Variants in TMEM132D observed in about 807,000 individuals in gnomAD.
TMEM132D encodes transmembrane protein 132D.
In TMEM132D, 21 loss-of-function variants were observed where a neutral mutation model predicts 62.3. The observed-to-expected ratio is 0.34, with a 90% CI of 0.24 to 0.49. The LOEUF is 0.49. Among genes scored for constraint, TMEM132D ranks in the 20% least tolerant of loss-of-function variants. The probability of loss-of-function intolerance (pLI) is 0.99; values close to 1 mark genes in which losing one functional copy is unlikely to be tolerated. For synonymous variants in TMEM132D, 621 were observed against 575.6 expected, an observed-to-expected ratio of 1.08 and a Z score of -1.13; for missense variants, 1,346 against 1,402.8, an observed-to-expected ratio of 0.96 and a Z score of 0.65.
At chr12:129,103,192 G>A (rs1313626977) in intron 5 of TMEM132D, among the ~76,000 whole-genome samples, 1 of 152,162 alleles carries the variant, frequency 6.6e-6, no homozygotes, top group Non-Finnish European at 1.5e-5. Context: ...AGGAAGAGGA[G>A]GGATTTGCTC....
chr12:129,126,983 G>A (rs527956682), intron 5 of TMEM132D, among the ~76,000 whole-genome samples: 1 of 152,348 alleles, frequency 6.6e-6, no homozygotes, highest in African/African-American at 2.4e-5. Context: ...ACAATCAGCT[G>A]AGAGACAAGG....
chr12:129,569,730 G>C (rs1011464123), intron 2 of TMEM132D, among the ~76,000 whole-genome samples: 10 of 152,156 alleles, frequency 6.6e-5, no homozygotes, highest in Non-Finnish European at 7.3e-5. Flanking sequence ...CTCCACTGAA[G>C]TGCCAGCCTA....
chr12:129,726,903 G>A (rs1299714006), intron 1 of TMEM132D, among the ~76,000 whole-genome samples: 1 of 152,180 alleles, frequency 6.6e-6, no homozygotes, highest in Non-Finnish European at 1.5e-5. Flanking sequence ...AGTGAGAGGA[G>A]TGAGCTATAG....
chr12:129,236,174 G>C (rs1879778262), intron 4 of TMEM132D, among the ~76,000 whole-genome samples: 1 of 150,934 alleles, frequency 6.6e-6, no homozygotes, highest in South Asian at 2.1e-4. Flanking sequence ...GAGAGAGAGA[G>C]AGAGTCACTA....
At chr12:129,658,410 C>T (rs1341317227) in intron 2 of TMEM132D, among the ~76,000 whole-genome samples, 1 of 152,182 alleles carries the variant, frequency 6.6e-6, no homozygotes, top group Non-Finnish European at 1.5e-5. Context: ...AATTCTATTC[C>T]TGTAAACTTC....
intron 2 of TMEM132D, among the ~76,000 whole-genome samples, chr12:129,658,138 T>A (rs913742706): frequency 6.6e-6 from 1 of 152,168 alleles, no homozygotes; most frequent in African/African-American, 2.4e-5. Context: ...GACCTGCTCA[T>A]GGAGAAAGTA....
In TMEM132D at chr12:129,598,047, AAAC is replaced by A. The variant is rs567539460; in HGVS notation, c.969-66845_969-66843del. Among the ~76,000 whole-genome samples, 443 of 152,220 alleles carry A rather than the reference AAAC, an allele frequency of 2.9e-3. 3 individuals carry two copies. Among genetic ancestry groups the A allele is most frequent in the Non-Finnish European group, 3.2e-3 (218 of 68,002 alleles). On this transcript the variant is annotated intron_variant, in intron 2 of 8. Transcript: ENST00000422113. ...GAACCCAGCCATGACATACTTGCAA[AAAC>A]AACAACAACAACAACAAAAAACTAC... is the stretch of plus-strand genomic sequence containing the variant.
intron 1 of TMEM132D, among the ~76,000 whole-genome samples, chr12:129,705,157 G>A (rs1220513862): frequency 6.6e-6 from 1 of 152,198 alleles, no homozygotes; most frequent in East Asian, 1.9e-4. Context: ...ATGCACATTA[G>A]ATGTTCAATA....
intron 3 of TMEM132D, among the ~76,000 whole-genome samples, chr12:129,520,110 A>G (rs4759954): frequency 0.97 from 147,023 of 152,282 alleles, 71,162 homozygotes; most frequent in East Asian, 1. Flanking sequence ...GACAGTGTTC[A>G]GTGAGGCCGA....
chr12:129,747,707 CACACTCAGACAT>C (rs1869851317), intron 1 of TMEM132D, among the ~76,000 whole-genome samples: 1 of 150,466 alleles, frequency 6.6e-6, no homozygotes, highest in Admixed American at 6.6e-5. Context: ...ACACTCAACA[CACACTCAGACAT>C]ACACACAGAC....
At chr12:129,260,881 T>C (rs773155976) in intron 4 of TMEM132D, among the ~76,000 whole-genome samples, 2 of 152,256 alleles carry the variant, frequency 1.3e-5, no homozygotes, top group Non-Finnish European at 2.9e-5. Flanking sequence ...TTCAATGGTG[T>C]ATATACACCA....
intron 5 of TMEM132D, chr12:129,113,421 T>C (rs1342842957): frequency 1.3e-5 from 2 of 151,952 alleles, no homozygotes; most frequent in Non-Finnish European, 2.9e-5. Flanking sequence ...AATAAAAACC[T>C]CCCAAGAACC....
intron 2 of TMEM132D, among the ~76,000 whole-genome samples, chr12:129,594,275 C>T (rs1878274696): frequency 6.6e-6 from 1 of 152,170 alleles, no homozygotes; most frequent in African/African-American, 2.4e-5. Context: ...GATTCGCTTC[C>T]ACGTGATTTG....
intron 5 of TMEM132D, among the ~76,000 whole-genome samples, chr12:129,188,762 GGAGAGAGAGAGAGA>G (rs569138938): frequency 0.49 from 62,443 of 126,180 alleles, 13,450 homozygotes; most frequent in Middle Eastern, 0.54. Flanking sequence ...AGGGAGAGAG[GGAGAGAGAGAGAGA>G]GAGAGAGAGA....
At chr12:129,743,320 G>T (rs1177948300) in intron 1 of TMEM132D, among the ~76,000 whole-genome samples, 2 of 152,198 alleles carry the variant, frequency 1.3e-5, no homozygotes, top group African/African-American at 4.8e-5. Flanking sequence ...GACCCAATGG[G>T]AGATAATTTA....
intron 2 of TMEM132D, among the ~76,000 whole-genome samples, chr12:129,622,736 A>T (rs155724): frequency 0.87 from 132,461 of 152,224 alleles, 57,749 homozygotes; most frequent in East Asian, 1. Flanking sequence ...GTGGTCCCAA[A>T]GGGGCTGTCA....
intron 5 of TMEM132D, among the ~76,000 whole-genome samples, chr12:129,086,836 A>AT (rs1874637622): frequency 6.6e-6 from 1 of 151,786 alleles, no homozygotes; most frequent in South Asian, 2.1e-4. Flanking sequence ...GAGTGCAGGT[A>AT]TTTTTTCAAT....
At chr12:129,101,118 T>C (rs955840878) in intron 5 of TMEM132D, among the ~76,000 whole-genome samples, 7 of 151,758 alleles carry the variant, frequency 4.6e-5, no homozygotes, top group Non-Finnish European at 7.4e-5. Flanking sequence ...CACCAGTTGA[T>C]GGCAGGGGTC....
At chr12:129,240,359 C>A (rs923483319) in intron 4 of TMEM132D, among the ~76,000 whole-genome samples, 3 of 152,070 alleles carry the variant, frequency 2.0e-5, no homozygotes, top group African/African-American at 4.8e-5. Flanking sequence ...GTTTGAATAT[C>A]CCCCCACAGT....
Sources: allele counts gnomAD v4.1 joint callset (sites outside exome capture counted in the v4.1 genomes callset), GRCh38; gene constraint gnomAD v4.1.1; transcripts MANE v1.5; gene names NCBI Gene and HGNC (gene_info 2026-07-23, HGNC 2026-07-21).